Variants in ARHGEF26 observed in about 807,000 individuals in gnomAD.
ARHGEF26 encodes Rho guanine nucleotide exchange factor 26, also known as Rho guanine nucleotide exchange factor (GEF) 26.
A neutral mutation model predicts 89.4 loss-of-function variants in ARHGEF26; 59 were observed. The observed-to-expected ratio is 0.66, with a 90% confidence interval of 0.54 to 0.82. The LOEUF is 0.82. ARHGEF26 is among the 40% of genes least tolerant of loss of function. The pLI is 0.00. For synonymous variants in ARHGEF26, 500 were observed against 428.4 expected, an observed-to-expected ratio of 1.17 and a Z score of -2.06; for missense variants, 1,234 against 1,085.6, an observed-to-expected ratio of 1.14 and a Z score of -1.92.
intron 12 of ARHGEF26, among the ~76,000 whole-genome samples, chr3:154,250,962 TAG>T (rs10535573): frequency 0.59 from 87,668 of 148,812 alleles, 26,433 homozygotes; most frequent in East Asian, 0.82. Context: ...TGTCCTGTAT[TAG>T]AGAGAGAGAG....
intron 4 of ARHGEF26, among the ~76,000 whole-genome samples, chr3:154,130,562 G>A (rs1718626750): frequency 6.6e-6 from 1 of 152,094 alleles, no homozygotes; most frequent in Admixed American, 6.5e-5. Context: ...TTAATTTTGT[G>A]TTGATGAGTA....
At chr3:154,123,401 G>C (rs1718121867) in intron 2 of ARHGEF26, among the ~76,000 whole-genome samples, 1 of 152,182 alleles carries the variant, frequency 6.6e-6, no homozygotes, top group African/African-American at 2.4e-5. Context: ...GCTGAAAGGG[G>C]GAGGAGCATG....
chr3:154,177,822 G>T (rs922848750), intron 6 of ARHGEF26, among the ~76,000 whole-genome samples: 1 of 152,188 alleles, frequency 6.6e-6, no homozygotes, highest in Non-Finnish European at 1.5e-5. Context: ...TGGGGAAGCA[G>T]GAAAAGAGAG....
At position 154,225,913 on chromosome 3, in the gene ARHGEF26, T is replaced by G; in HGVS notation, c.1993T>G (p.Tyr665Asp). 1 of 1,611,816 alleles carries G rather than the reference T, an allele frequency of 6.2e-7. No individual in the cohort carries two copies. The highest frequency in any genetic ancestry group is 2.2e-5 in the East Asian group (1 of 44,678). Residue 665 changes from tyrosine (Y) to aspartate (D), a missense_variant, in exon 11 of 15, where the codon TAT (tyrosine) becomes GAT (aspartate). Tyr to Asp is a radical substitution (Grantham distance 160). Coordinates refer to ENST00000465093, the MANE Select transcript of ARHGEF26 (RefSeq NM_015595.4). The part of the protein sequence containing the change: ...WLVKRGELTA[Y>D]VEDTVLFSRR... ...GGTAAAAAGAGGTGAATTGACAGCCTATGTTGAAGACACTGTGCTTTTCTC... is the reference window on the plus strand; with the variant it reads ...GGTAAAAAGAGGTGAATTGACAGCCGATGTTGAAGACACTGTGCTTTTCTC...
At chr3:154,215,337 C>A (rs1309336712) in intron 9 of ARHGEF26, among the ~76,000 whole-genome samples, 1 of 151,982 alleles carries the variant, frequency 6.6e-6, no homozygotes, top group Non-Finnish European at 1.5e-5. Context: ...TCCTTTGGAT[C>A]CCTCCCCACT....
At chr3:154,219,001 A>G (rs2108248960) in intron 10 of ARHGEF26, among the ~76,000 whole-genome samples, 1 of 152,328 alleles carries the variant, frequency 6.6e-6, no homozygotes, top group South Asian at 2.1e-4. Context: ...CACAAACTGT[A>G]AAAGGGAAGA....
At chr3:154,176,569 G>T (rs1712833837) in intron 6 of ARHGEF26, among the ~76,000 whole-genome samples, 1 of 152,142 alleles carries the variant, frequency 6.6e-6, no homozygotes. Context: ...ACAGGATGTA[G>T]ATGGGTCCAG....
At chr3:154,209,423 T>C (rs2164674) in intron 9 of ARHGEF26, among the ~76,000 whole-genome samples, 25,659 of 152,118 alleles carry the variant, frequency 0.17, 2,569 homozygotes, top group South Asian at 0.35. Context: ...TTTCCAGACA[T>C]GTGAAAGAAC....
intron 9 of ARHGEF26, among the ~76,000 whole-genome samples, chr3:154,208,859 G>A (rs937487406): frequency 6.8e-6 from 1 of 146,590 alleles, no homozygotes; most frequent in East Asian, 2.1e-4. Flanking sequence ...TCCGCCTACC[G>A]GATTCAAGCG....
intron 4 of ARHGEF26, among the ~76,000 whole-genome samples, chr3:154,144,697 G>A (rs1719595055): frequency 6.6e-6 from 1 of 152,124 alleles, no homozygotes; most frequent in African/African-American, 2.4e-5. Flanking sequence ...CAAGTGTCCT[G>A]GTCTGCTTTA....
chr3:154,129,489 C>T, intron 3 of ARHGEF26, 85 bp from the exon 4 acceptor site: 1 of 1,414,450 alleles, frequency 7.1e-7, no homozygotes, highest in Non-Finnish European at 9.5e-7. Context: ...GGAGGCCAAA[C>T]ATTGGGTACA....
At chr3:154,187,899 A>T (rs1337391647) in intron 7 of ARHGEF26, 62 bp downstream of exon 7, 1 of 1,408,048 alleles carries the variant, frequency 7.1e-7, no homozygotes, top group Non-Finnish European at 9.5e-7. Context: ...GGCTACATTG[A>T]CTGAAATTAA....
chr3:154,131,509 G>T (rs1718681497), intron 4 of ARHGEF26, among the ~76,000 whole-genome samples: 1 of 152,184 alleles, frequency 6.6e-6, no homozygotes, highest in Non-Finnish European at 1.5e-5. Context: ...CTCATGATAT[G>T]TGTATCCCAA....
intron 6 of ARHGEF26, among the ~76,000 whole-genome samples, chr3:154,176,400 A>G (rs546784065): frequency 1.3e-5 from 2 of 152,316 alleles, no homozygotes; most frequent in East Asian, 3.9e-4. Flanking sequence ...TTAAGAGGCA[A>G]TTAAAAAAAA....
intron 4 of ARHGEF26, among the ~76,000 whole-genome samples, chr3:154,140,874 C>A (rs916969275): frequency 2.0e-5 from 3 of 152,080 alleles, no homozygotes; most frequent in African/African-American, 7.2e-5. Flanking sequence ...AGCCACCATG[C>A]CCAGCCTCTG....
chr3:154,191,307 T>G lies in ARHGEF26; in HGVS notation c.1659T>G (p.Phe553Leu). Residue 553 changes from phenylalanine to leucine, a missense_variant, in exon 8 of 15, where the codon TTT (phenylalanine) becomes TTG (leucine). By Grantham distance (22) the Phe-to-Leu change is conservative. Coordinates refer to ENST00000465093, the MANE Select transcript of ARHGEF26 (RefSeq NM_015595.4). ...LQKLLATNPS[F>L]KEVLSRIESH... ...CCCTCAGAGCTACCAATCCATCCTT[T>G]AAGGAAGTATTGTCAAGGATTGAGT... 3 of 1,612,154 alleles carry G rather than the reference T, an allele frequency of 1.9e-6. No homozygotes were observed. The highest frequency in any genetic ancestry group is 2.5e-6 in the Non-Finnish European group (3 of 1,179,038).
intron 10 of ARHGEF26, among the ~76,000 whole-genome samples, chr3:154,224,611 C>A (rs9868548): frequency 0.19 from 28,622 of 152,080 alleles, 3,005 homozygotes; most frequent in South Asian, 0.36. Context: ...GTATGTGCTG[C>A]CTAGTCTGCC....
At chr3:154,148,364 AGTATTAG>A (rs1719816535) in intron 4 of ARHGEF26, among the ~76,000 whole-genome samples, 1 of 152,200 alleles carries the variant, frequency 6.6e-6, no homozygotes, top group South Asian at 2.1e-4. Flanking sequence ...ATGTCATGTT[AGTATTAG>A]TGAAAGATTA....
At chr3:154,235,538 C>T (rs137864078) in intron 11 of ARHGEF26, among the ~76,000 whole-genome samples, 27 of 152,270 alleles carry the variant, frequency 1.8e-4, no homozygotes, top group African/African-American at 6.5e-4. Context: ...AAAGACATTC[C>T]ACTATCAGGT....
Sources: gnomAD v4.1 joint callset for allele counts (sites outside exome capture counted in the v4.1 genomes callset) on GRCh38, gnomAD v4.1.1 for gene constraint, MANE v1.5 for transcripts, NCBI Gene and HGNC (gene_info 2026-07-23, HGNC 2026-07-21) for gene names.